The following ZNF804B variants were observed in gnomAD, a reference collection of about 807,000 sequenced individuals.
ZNF804B encodes the protein zinc finger 804B.
In ZNF804B, 80 loss-of-function variants were observed where a neutral mutation model predicts 101.4. That is an observed-to-expected ratio of 0.79 (90% CI 0.66 to 0.95). The LOEUF (loss-of-function observed/expected upper bound fraction) is 0.95, where lower values mean the gene tolerates loss of function less well. Ranked by LOEUF, ZNF804B falls within the 40% of genes least tolerant of loss-of-function variation. The pLI, the probability that ZNF804B is intolerant of heterozygous loss-of-function variation, is 0.00. For missense variants in ZNF804B, 1,673 were observed against 1,561.9 expected, an observed-to-expected ratio of 1.07 and a Z score of -1.20; for synonymous variants, 622 against 558.8, an observed-to-expected ratio of 1.11 and a Z score of -1.59.
At chr7:88,804,793 A>G (rs1790659390) in intron 1 of ZNF804B, among the ~76,000 whole-genome samples, 1 of 152,094 alleles carries the variant, frequency 6.6e-6, no homozygotes, top group Non-Finnish European at 1.5e-5. Context: ...AACAATTGTC[A>G]CATGGAATGG....
chr7:89,229,005 C>G (rs537854810), intron 2 of ZNF804B, among the ~76,000 whole-genome samples: 1 of 151,758 alleles, frequency 6.6e-6, no homozygotes, highest in Non-Finnish European at 1.5e-5. Context: ...CCGGCGGGGC[C>G]GGCCGGCTGC....
intron 1 of ZNF804B, among the ~76,000 whole-genome samples, chr7:89,133,889 G>T (rs1370609986): frequency 6.6e-6 from 1 of 152,018 alleles, no homozygotes; most frequent in African/African-American, 2.4e-5. Flanking sequence ...GTGCTCTAAA[G>T]ACACTATCTC....
chr7:89,054,286 T>C (rs192727353), intron 1 of ZNF804B, among the ~76,000 whole-genome samples: 11 of 147,910 alleles, frequency 7.4e-5, no homozygotes, highest in African/African-American at 2.7e-4. Context: ...TATATACTTA[T>C]ATATAATATA....
chr7:89,265,288 G>GCA (rs2115823564), intron 2 of ZNF804B, among the ~76,000 whole-genome samples: 1 of 94,340 alleles, frequency 1.1e-5, no homozygotes, highest in South Asian at 3.7e-4. Context: ...GTGTGTGTGT[G>GCA]TGTGTGCGCG....
intron 1 of ZNF804B, among the ~76,000 whole-genome samples, chr7:88,921,080 C>T (rs1044046474): frequency 2.6e-5 from 4 of 151,932 alleles, no homozygotes; most frequent in African/African-American, 9.7e-5. Context: ...AGATTATTTC[C>T]AAGATTCTTT....
At chr7:88,769,687 T>A (rs1216085346) in intron 1 of ZNF804B, among the ~76,000 whole-genome samples, 1 of 152,182 alleles carries the variant, frequency 6.6e-6, no homozygotes, top group Non-Finnish European at 1.5e-5. Flanking sequence ...TTCTTTTTTT[T>A]GAAAGAGAGA....
At chr7:89,295,083 A>C (rs1790360801) in intron 2 of ZNF804B, among the ~76,000 whole-genome samples, 1 of 146,632 alleles carries the variant, frequency 6.8e-6, no homozygotes, top group South Asian at 2.1e-4. Flanking sequence ...TTTGGGTGGT[A>C]GTTCAATATA....
intron 1 of ZNF804B, among the ~76,000 whole-genome samples, chr7:88,925,784 A>C (rs992069187): frequency 1.3e-5 from 2 of 152,160 alleles, no homozygotes; most frequent in Non-Finnish European, 2.9e-5. Flanking sequence ...AGCTAAAAAC[A>C]GTCCAGTGTC....
chr7:88,921,820 G>A lies in ZNF804B; in HGVS notation c.108+161736G>A, dbSNP rs532326402. Among the ~76,000 whole-genome samples the A allele has an allele frequency of 2.0e-5, 3 of 152,158 alleles. No individual in the cohort carries two copies. In the South Asian group the frequency reaches 6.2e-4, roughly 32 times the overall value. On this transcript the variant is annotated intron_variant, in intron 1 of 3. Transcript: ENST00000333190. Reference sequence around the variant, plus strand: ...AGGAATAAACATGGTATAGCAAGATGTCAGGATCTAATTTGAAGATAAATC... The same window carrying A: ...AGGAATAAACATGGTATAGCAAGATATCAGGATCTAATTTGAAGATAAATC...
chr7:88,992,762 G>C (rs1181421794), intron 1 of ZNF804B, among the ~76,000 whole-genome samples: 1 of 151,844 alleles, frequency 6.6e-6, no homozygotes, highest in Non-Finnish European at 1.5e-5. Flanking sequence ...CAGATATTAG[G>C]ATACAGAATC....
At chr7:88,893,506 C>G (rs1340356785) in intron 1 of ZNF804B, among the ~76,000 whole-genome samples, 1 of 151,926 alleles carries the variant, frequency 6.6e-6, no homozygotes, top group African/African-American at 2.4e-5. Context: ...TAAACTATAG[C>G]ATTATCAAAG....
intron 1 of ZNF804B, among the ~76,000 whole-genome samples, chr7:88,768,621 G>A (rs545662027): frequency 1.3e-5 from 2 of 152,304 alleles, no homozygotes; most frequent in East Asian, 1.9e-4. Flanking sequence ...AGGAGGCTGA[G>A]GCCGGAGAAT....
intron 1 of ZNF804B, among the ~76,000 whole-genome samples, chr7:88,883,966 CATT>C (rs1792081306): frequency 6.6e-6 from 1 of 151,988 alleles, no homozygotes. Flanking sequence ...CCAGAAATCA[CATT>C]ATAGATTACA....
intron 1 of ZNF804B, among the ~76,000 whole-genome samples, chr7:88,968,487 G>A (rs1793488363): frequency 1.3e-5 from 2 of 151,388 alleles, no homozygotes; most frequent in Admixed American, 6.6e-5. Flanking sequence ...ACGTTCCTAG[G>A]CTTAAACATT....
intron 1 of ZNF804B, among the ~76,000 whole-genome samples, chr7:89,076,523 C>A (rs1170107124): frequency 6.6e-6 from 1 of 152,058 alleles, no homozygotes. Context: ...TCAGGTATGT[C>A]TTCATCAGCA....
chr7:89,208,135 G>T (rs1450044799), intron 1 of ZNF804B, among the ~76,000 whole-genome samples: 1 of 147,046 alleles, frequency 6.8e-6, no homozygotes, highest in Admixed American at 6.9e-5. Flanking sequence ...AGGCTGGAGT[G>T]CAGTGGCACA....
intron 1 of ZNF804B, among the ~76,000 whole-genome samples, chr7:88,767,175 ACTACT>A (rs1562788157): frequency 6.6e-6 from 1 of 152,176 alleles, no homozygotes; most frequent in Non-Finnish European, 1.5e-5. Flanking sequence ...AATGGTAAGA[ACTACT>A]CTATTCTGTG....
chr7:88,795,012 A>G (rs1790456984), intron 1 of ZNF804B: 2 of 1,313,166 alleles, frequency 1.5e-6, no homozygotes, highest in East Asian at 5.0e-5. Context: ...CTGCCAGGGT[A>G]CCTCTTTACT....
At chr7:89,001,563 C>T (rs375534304) in intron 1 of ZNF804B, among the ~76,000 whole-genome samples, 1 of 151,820 alleles carries the variant, frequency 6.6e-6, no homozygotes, top group African/African-American at 2.4e-5. Context: ...GAAAACACAA[C>T]CAATAAAAAT....
Sources: gnomAD v4.1 joint callset for allele counts (sites outside exome capture counted in the v4.1 genomes callset) on GRCh38, gnomAD v4.1.1 for gene constraint, MANE v1.5 for transcripts, NCBI Gene and HGNC (gene_info 2026-07-23, HGNC 2026-07-21) for gene names.